The following RHEX variants were observed in gnomAD, a reference collection of about 807,000 sequenced individuals.
The protein encoded by RHEX is regulator of hemoglobinization and erythroid cell expansion protein.
Under a neutral mutation model 20.1 loss-of-function variants are expected in RHEX, and 18 were observed. That is an observed-to-expected ratio of 0.90 (90% CI 0.62 to 1.33). RHEX has a LOEUF of 1.33. RHEX is among the 40% of genes most tolerant of loss of function. RHEX has a pLI of 0.00. For missense variants in RHEX, 192 were observed against 214.3 expected (o/e 0.90, Z 0.65); for synonymous variants, 87 against 77.1 (o/e 1.13, Z -0.67).
chr1:206,066,817 T>C (rs528388308), intron 1 of RHEX, among the ~76,000 whole-genome samples: 187 of 152,320 alleles, frequency 1.2e-3, no homozygotes, highest in Non-Finnish European at 2.3e-3. Context: ...TAAACATATA[T>C]GTTACATATG....
Position 206,058,634 on chromosome 1 carries a change from C to T in RHEX, c.-97+5369C>T, listed in dbSNP as rs533186525. ...ACTGATGTTATTCATAGATTCCAGACATTGTATAGAAGAACATTGTGAAAC... is the reference window on the plus strand; with the variant it reads ...ACTGATGTTATTCATAGATTCCAGATATTGTATAGAAGAACATTGTGAAAC... On this transcript the variant is annotated intron_variant, in intron 1 of 5. Transcript: ENST00000331555. Among the ~76,000 whole-genome samples the T allele has an allele frequency of 5.3e-5, 8 of 152,340 alleles. No homozygotes were observed. In the South Asian group the frequency reaches 1.2e-3, roughly 24 times the overall value.
At chr1:206,055,227 A>T (rs1553282448) in intron 1 of RHEX, among the ~76,000 whole-genome samples, 1 of 152,266 alleles carries the variant, frequency 6.6e-6, no homozygotes, top group Non-Finnish European at 1.5e-5. Flanking sequence ...GTCTCCCAAC[A>T]CTAAGTTCAC....
intron 1 of RHEX, among the ~76,000 whole-genome samples, chr1:206,057,894 A>G (rs1662224839): frequency 6.6e-6 from 1 of 152,288 alleles, no homozygotes; most frequent in Non-Finnish European, 1.5e-5. Context: ...AAGCTGTTTT[A>G]GAAATTATTA....
At chr1:206,053,787 C>T (rs891941494) in intron 1 of RHEX, among the ~76,000 whole-genome samples, 9 of 152,210 alleles carry the variant, frequency 5.9e-5, no homozygotes, top group Non-Finnish European at 1.3e-4. Flanking sequence ...AGACCAGTTT[C>T]CATACATAGA....
intron 4 of RHEX, among the ~76,000 whole-genome samples, chr1:206,100,710 T>G (rs1215654878): frequency 6.6e-6 from 1 of 152,166 alleles, no homozygotes; most frequent in Non-Finnish European, 1.5e-5. Flanking sequence ...TGCCTAGATT[T>G]AGTGACAGCT....
At chr1:206,058,572 T>G (rs1001327539) in intron 1 of RHEX, among the ~76,000 whole-genome samples, 1 of 152,256 alleles carries the variant, frequency 6.6e-6, no homozygotes, top group Non-Finnish European at 1.5e-5. Context: ...CTGCCTGGCC[T>G]AAACCCAGTA....
chr1:206,068,026 C>T (rs781815943), intron 1 of RHEX, among the ~76,000 whole-genome samples: 2 of 152,150 alleles, frequency 1.3e-5, no homozygotes, highest in African/African-American at 2.4e-5. Context: ...AGAAAGGAAA[C>T]TAACATTTCT....
rs141338117 is a variant in RHEX, at chr1:206,101,449, C to T, written c.318+252C>T. On this transcript the variant is annotated intron_variant, in intron 5 of 5. Coordinates refer to ENST00000331555, the MANE Select transcript of RHEX (RefSeq NM_001007544.4). ...AGTGCTAATGGGAAACCCTCTTCTC[C>T]CCACACCCCAGTTGTTGGGCTCAAG... is the stretch of plus-strand genomic sequence containing the variant. Among the ~76,000 whole-genome samples the T allele has an allele frequency of 4.6e-5, 7 of 152,268 alleles. No homozygotes were observed. The East Asian group carries it at 9.7e-4, about 21-fold the overall frequency.
chr1:206,096,361 T>C (rs1553287656), intron 1 of RHEX, among the ~76,000 whole-genome samples: 1 of 152,224 alleles, frequency 6.6e-6, no homozygotes, highest in African/African-American at 2.4e-5. Flanking sequence ...TATTAGACAA[T>C]CGATACTAAA....
intron 1 of RHEX, among the ~76,000 whole-genome samples, chr1:206,078,608 T>C (rs1468865685): frequency 2.0e-5 from 3 of 152,082 alleles, no homozygotes; most frequent in Non-Finnish European, 4.4e-5. Context: ...GCCTGATATT[T>C]GTAGTGTTTT....
intron 1 of RHEX, chr1:206,083,399 G>T (rs781887634): frequency 1.4e-4 from 68 of 485,692 alleles, no homozygotes; most frequent in Non-Finnish European, 1.7e-4. Flanking sequence ...CTGTACCAGG[G>T]AGCTGGGCAG....
chr1:206,098,021 T>G, intron 2 of RHEX, 60 bp from the exon 3 acceptor site: 1 of 1,371,754 alleles, frequency 7.3e-7, no homozygotes, highest in Non-Finnish European at 1.0e-6. Flanking sequence ...CAGGGATAGG[T>G]TTGCAATTGT....
intron 1 of RHEX, among the ~76,000 whole-genome samples, chr1:206,072,565 G>C (rs1662556978): frequency 1.3e-5 from 2 of 152,028 alleles, no homozygotes; most frequent in South Asian, 4.1e-4. Flanking sequence ...AACACAGCAA[G>C]ACTCCATCTC....
chr1:206,059,708 C>T (rs1176667828), intron 1 of RHEX, among the ~76,000 whole-genome samples: 1 of 152,164 alleles, frequency 6.6e-6, no homozygotes, highest in Non-Finnish European at 1.5e-5. Flanking sequence ...AGATTCCTCA[C>T]CTATACAATG....
chr1:206,095,056 C>T (rs1183357166), intron 1 of RHEX, among the ~76,000 whole-genome samples: 1 of 151,988 alleles, frequency 6.6e-6, no homozygotes, highest in East Asian at 1.9e-4. Flanking sequence ...CAGGAGGCTC[C>T]ACAACCTGCC....
In RHEX at chr1:206,090,427, G is replaced by A. The variant is rs527315771; in HGVS notation, c.-96-7306G>A. Among the ~76,000 whole-genome samples the A allele has an allele frequency of 6.4e-4, 97 of 151,836 alleles. 2 individuals are homozygous for A. Among genetic ancestry groups the A allele is most frequent in the African/African-American group, 2.2e-3 (91 of 41,406 alleles). On this transcript the variant is annotated intron_variant, in intron 1 of 5. Coordinates refer to ENST00000331555, the MANE Select transcript of RHEX (RefSeq NM_001007544.4). Reference sequence around the variant, plus strand: ...TCACCATCTTGGCCAGGCTGGTCTCGAACTCTTGACCTCAGGTGATCCACC... The same window carrying A: ...TCACCATCTTGGCCAGGCTGGTCTCAAACTCTTGACCTCAGGTGATCCACC...
chr1:206,056,353 A>G (rs1553282621), intron 1 of RHEX: 1 of 152,432 alleles, frequency 6.6e-6, no homozygotes, highest in Non-Finnish European at 1.5e-5. Context: ...AAGCATGAGG[A>G]AACTCATCGC....
At chr1:206,054,093 G>C (rs1406368338) in intron 1 of RHEX, among the ~76,000 whole-genome samples, 1 of 141,986 alleles carries the variant, frequency 7.0e-6, no homozygotes, top group East Asian at 2.0e-4. Context: ...AAGAAAGTTT[G>C]CTTTAAAAAA....
At chr1:206,058,788 G>T (rs543793284) in intron 1 of RHEX, among the ~76,000 whole-genome samples, 2 of 152,246 alleles carry the variant, frequency 1.3e-5, no homozygotes, top group South Asian at 2.1e-4. Context: ...TAAAAGGGAC[G>T]GAAATTGTGC....
Sources: allele counts gnomAD v4.1 joint callset (sites outside exome capture counted in the v4.1 genomes callset), GRCh38; gene constraint gnomAD v4.1.1; transcripts MANE v1.5; gene names NCBI Gene and HGNC (gene_info 2026-07-23, HGNC 2026-07-21).